Variants in PTPRD observed in about 807,000 individuals in gnomAD.
PTPRD encodes the protein protein tyrosine phosphatase receptor type D.
A neutral mutation model predicts 214.5 loss-of-function variants in PTPRD; 34 were observed. The observed-to-expected ratio is 0.16, with a 90% CI of 0.12 to 0.21. The LOEUF (loss-of-function observed/expected upper bound fraction) is 0.21, where lower values mean the gene tolerates loss of function less well. Ranked by LOEUF, PTPRD falls within the 10% of genes least tolerant of loss-of-function variation. The pLI is 1.00. For synonymous variants in PTPRD, 1,128 were observed against 845.7 expected (o/e 1.33, Z -5.79); for missense variants, 2,545 against 2,398.7 (o/e 1.06, Z -1.27).
intron 5 of PTPRD, among the ~76,000 whole-genome samples, chr9:9,934,051 C>G (rs1044791874): frequency 1.3e-5 from 2 of 149,276 alleles, no homozygotes; most frequent in African/African-American, 2.6e-5. Flanking sequence ...ACACAACATA[C>G]CAGAATCTCT....
intron 8 of PTPRD, among the ~76,000 whole-genome samples, chr9:9,401,425 G>C (rs553830833): frequency 5.3e-5 from 8 of 151,974 alleles, no homozygotes; most frequent in Non-Finnish European, 8.8e-5. Context: ...ATATCAGTCA[G>C]GACTAAGTCC....
chr9:9,483,440 T>C (rs966479210), intron 8 of PTPRD, among the ~76,000 whole-genome samples: 4 of 152,120 alleles, frequency 2.6e-5, no homozygotes, highest in African/African-American at 7.2e-5. Flanking sequence ...ATGCCAATCA[T>C]TTTTGCAACC....
intron 4 of PTPRD, among the ~76,000 whole-genome samples, chr9:10,000,786 C>A (rs149160634): frequency 3.2e-4 from 49 of 152,312 alleles, no homozygotes; most frequent in African/African-American, 1.1e-3. Context: ...TGGTGATTCT[C>A]ACCCTTTTCT....
chr9:10,551,808 G>A (rs1243957666), intron 2 of PTPRD, among the ~76,000 whole-genome samples: 1 of 152,048 alleles, frequency 6.6e-6, no homozygotes, highest in Non-Finnish European at 1.5e-5. Context: ...AGCTGAGAAA[G>A]TACCAGCATA....
rs941257452 is a variant in PTPRD at position 8,535,459 on chromosome 9, C to G, written c.353-6680G>C. On this transcript the variant is annotated intron_variant, in intron 14 of 45. Transcript: ENST00000381196. ...AATCAACAGTACAAATAAATAAAATCCATATTGTCAGATGATTTGTTCCTA... is the reference window on the plus strand; with the variant it reads ...AATCAACAGTACAAATAAATAAAATGCATATTGTCAGATGATTTGTTCCTA... Among the ~76,000 whole-genome samples the G allele has an allele frequency of 2.0e-5, 3 of 151,918 alleles. No homozygotes were observed. The South Asian group carries it at 6.2e-4, about 32-fold the overall frequency.
intron 35 of PTPRD, among the ~76,000 whole-genome samples, chr9:8,428,596 C>T (rs1371578755): frequency 6.6e-6 from 1 of 152,128 alleles, no homozygotes; most frequent in Admixed American, 6.6e-5. Context: ...CTGTCGTCCA[C>T]CACTTCCTTC....
chr9:9,819,423 G>A (rs145297509), intron 5 of PTPRD, among the ~76,000 whole-genome samples: 1,848 of 152,260 alleles, frequency 0.012, 25 homozygotes, highest in African/African-American at 0.041. Flanking sequence ...TTTGGTTTAA[G>A]GACATAAGCC....
intron 8 of PTPRD, among the ~76,000 whole-genome samples, chr9:9,561,645 G>C (rs529965540): frequency 6.6e-6 from 1 of 152,226 alleles, no homozygotes; most frequent in South Asian, 2.1e-4. Flanking sequence ...TTAGGTTTAA[G>C]CCTTAACTGA....
intron 3 of PTPRD, among the ~76,000 whole-genome samples, chr9:10,294,915 G>A (rs2095631624): frequency 6.6e-6 from 1 of 151,852 alleles, no homozygotes; most frequent in Non-Finnish European, 1.5e-5. Flanking sequence ...TTTATTGTAT[G>A]GTTTGACATC....
chr9:9,269,920 C>T (rs187747858), intron 9 of PTPRD, among the ~76,000 whole-genome samples: 2 of 150,796 alleles, frequency 1.3e-5, no homozygotes, highest in East Asian at 2.0e-4. Flanking sequence ...CGAATAGGCT[C>T]GGGAGACCTA....
At chr9:8,847,927 C>A (rs1002824414) in intron 11 of PTPRD, among the ~76,000 whole-genome samples, 1 of 152,132 alleles carries the variant, frequency 6.6e-6, no homozygotes. Context: ...GGCATAATTC[C>A]ATTTCTTTGA....
intron 11 of PTPRD, among the ~76,000 whole-genome samples, chr9:8,788,270 TTTTTTTTTG>T (rs1445580857): frequency 4.5e-5 from 5 of 109,928 alleles, no homozygotes; most frequent in African/African-American, 1.5e-4. Context: ...TTTTTTTTTT[TTTTTTTTTG>T]TGTGTGTGTG....
chr9:9,633,764 T>A (rs2095666472), intron 7 of PTPRD, among the ~76,000 whole-genome samples: 1 of 152,188 alleles, frequency 6.6e-6, no homozygotes, highest in Non-Finnish European at 1.5e-5. Context: ...CGCAAACATA[T>A]TTTTTAAGGT....
intron 39 of PTPRD, among the ~76,000 whole-genome samples, chr9:8,373,830 A>G (rs200452982): frequency 0.22 from 24,614 of 112,648 alleles, 4,296 homozygotes; most frequent in African/African-American, 0.51. Flanking sequence ...GTATGTATGT[A>G]TGTATGTATG....
chr9:9,771,565 T>C (rs2098751999), intron 5 of PTPRD, among the ~76,000 whole-genome samples: 1 of 152,194 alleles, frequency 6.6e-6, no homozygotes, highest in African/African-American at 2.4e-5. Context: ...GCAGCAGAGT[T>C]ACTCCACATC....
At chr9:8,595,703 A>G (rs1048839871) in intron 14 of PTPRD, among the ~76,000 whole-genome samples, 8 of 152,222 alleles carry the variant, frequency 5.3e-5, no homozygotes, top group African/African-American at 1.7e-4. Context: ...ACTCTTCTTT[A>G]GAATTATTTA....
At chr9:10,050,784 T>G (rs1195014261) in intron 3 of PTPRD, among the ~76,000 whole-genome samples, 1 of 151,994 alleles carries the variant, frequency 6.6e-6, no homozygotes, top group African/African-American at 2.4e-5. Context: ...GTATCTTTCA[T>G]TCTTAACCCT....
At chr9:9,379,512 C>A (rs2061611713) in intron 9 of PTPRD, among the ~76,000 whole-genome samples, 1 of 151,818 alleles carries the variant, frequency 6.6e-6, no homozygotes, top group Non-Finnish European at 1.5e-5. Flanking sequence ...ATTCTGTTTG[C>A]CATTCTGGAT....
chr9:9,857,984 G>T (rs2061890337), intron 5 of PTPRD, among the ~76,000 whole-genome samples: 1 of 152,090 alleles, frequency 6.6e-6, no homozygotes, highest in African/African-American at 2.4e-5. Flanking sequence ...AAGATATGAA[G>T]AATGCATTAT....
Sources: gnomAD v4.1 joint callset for allele counts (sites outside exome capture counted in the v4.1 genomes callset) on GRCh38, gnomAD v4.1.1 for gene constraint, MANE v1.5 for transcripts, NCBI Gene and HGNC (gene_info 2026-07-23, HGNC 2026-07-21) for gene names.